Variants in SLCO3A1 observed in about 807,000 individuals in gnomAD.
SLCO3A1 encodes PGE1 transporter.
SLCO3A1 carries 27 observed loss-of-function variants against 63.1 expected under a neutral mutation model. The observed-to-expected ratio is 0.43, with a 90% CI of 0.32 to 0.59. The LOEUF is 0.59. Ranked by LOEUF, SLCO3A1 falls within the 20% of genes least tolerant of loss-of-function variation. SLCO3A1 has a pLI of 0.09. For synonymous variants in SLCO3A1, 473 were observed against 409.9 expected, an observed-to-expected ratio of 1.15 and a Z score of -1.86; for missense variants, 773 against 945.8, an observed-to-expected ratio of 0.82 and a Z score of 2.40.
chr15:91,970,081 T>C (rs1900803489), intron 2 of SLCO3A1, among the ~76,000 whole-genome samples: 1 of 152,118 alleles, frequency 6.6e-6, no homozygotes, highest in Non-Finnish European at 1.5e-5. Context: ...ACATTTTGGC[T>C]CTAGCAGAAA....
In SLCO3A1 at chr15:91,941,460, T is replaced by G; in HGVS notation, c.646+25002T>G. ...AGGTGGTGGCCTGGTTCCTTTGGCC[T>G]TAGGGAAGGACAAACTTCAACTCTG... On this transcript the variant is annotated intron_variant, in intron 2 of 9. Transcript: ENST00000318445. The surrounding 1 kb of genome is among the most constrained non-coding windows in gnomAD (Gnocchi z 4.4). 1 of 449,542 alleles carries G rather than the reference T, an allele frequency of 2.2e-6. No homozygotes were observed. The highest frequency in any genetic ancestry group is 2.4e-5 in the Admixed American group (1 of 41,308). 27.8% of individuals were successfully genotyped at this position (449,542 alleles called of 1,614,324 possible). A position where few individuals can be genotyped will look rare whatever the true frequency, so the allele number is the denominator to read the frequency against.
chr15:91,915,406 C>G (rs1898620709), intron 1 of SLCO3A1, among the ~76,000 whole-genome samples: 1 of 152,184 alleles, frequency 6.6e-6, no homozygotes, highest in Non-Finnish European at 1.5e-5. Context: ...CTGATGGCCT[C>G]TGGGGAAATG....
At chr15:92,126,423 C>A (rs957950803) in intron 6 of SLCO3A1, among the ~76,000 whole-genome samples, 164 bp downstream of exon 6, 1 of 152,106 alleles carries the variant, frequency 6.6e-6, no homozygotes, top group Non-Finnish European at 1.5e-5. Flanking sequence ...GTAGAACCCT[C>A]TGGGCTGAGA....
At chr15:92,086,450 C>T (rs2047405549) in intron 2 of SLCO3A1, among the ~76,000 whole-genome samples, 1 of 152,086 alleles carries the variant, frequency 6.6e-6, no homozygotes, top group Non-Finnish European at 1.5e-5. Flanking sequence ...CGATTTTTCT[C>T]CTGGTTTTTT....
intron 2 of SLCO3A1, among the ~76,000 whole-genome samples, chr15:91,943,974 T>A (rs1412621818): frequency 6.6e-6 from 1 of 152,236 alleles, no homozygotes; most frequent in African/African-American, 2.4e-5. Flanking sequence ...CCTTCACTTC[T>A]GTCAATAGAC....
chr15:91,960,506 C>T (rs544650945), intron 2 of SLCO3A1, among the ~76,000 whole-genome samples: 278 of 152,256 alleles, frequency 1.8e-3, no homozygotes, highest in Admixed American at 3.7e-3. Context: ...AAGCCAGTTC[C>T]GGGATGCCTT....
chr15:91,904,890 G>A (rs1030690324), intron 1 of SLCO3A1, among the ~76,000 whole-genome samples: 3 of 152,146 alleles, frequency 2.0e-5, no homozygotes, highest in African/African-American at 7.2e-5. Context: ...TGGTTATCTT[G>A]ATAGTTACAA....
At chr15:92,016,884 A>G (rs1468595266) in intron 2 of SLCO3A1, among the ~76,000 whole-genome samples, 1 of 152,218 alleles carries the variant, frequency 6.6e-6, no homozygotes, top group Admixed American at 6.5e-5. Context: ...AAAGTGAGTT[A>G]TGTGGGATTA....
chr15:92,109,848 G>A (rs1001408356), intron 4 of SLCO3A1, among the ~76,000 whole-genome samples: 5 of 152,132 alleles, frequency 3.3e-5, no homozygotes, highest in African/African-American at 1.2e-4. Flanking sequence ...CAGGGATCAG[G>A]ACACCAAGGC....
At chr15:91,870,817 T>C (rs890003037) in intron 1 of SLCO3A1, among the ~76,000 whole-genome samples, 6 of 151,174 alleles carry the variant, frequency 4.0e-5, no homozygotes, top group African/African-American at 1.5e-4. Context: ...CTGTTTCATA[T>C]CTTTATTTTC....
chr15:91,924,869 G>A (rs527845156), intron 2 of SLCO3A1, among the ~76,000 whole-genome samples: 1 of 152,394 alleles, frequency 6.6e-6, no homozygotes, highest in African/African-American at 2.4e-5. Context: ...TTTGTGGCTG[G>A]TTGGGGCCTA....
At chr15:91,887,413 A>G (rs1897753231) in intron 1 of SLCO3A1, among the ~76,000 whole-genome samples, 1 of 150,300 alleles carries the variant, frequency 6.7e-6, no homozygotes, top group African/African-American at 2.5e-5. Flanking sequence ...GCCTGCCTGC[A>G]TGAGACATTG....
At position 92,163,546 on chromosome 15, in the gene SLCO3A1, TAAAAA is replaced by T. The variant is rs1385219276; in HGVS notation, c.*415_*419del. 3.7e-5 allele frequency: 33 copies of T among 889,176 alleles called. No homozygotes were observed. Among genetic ancestry groups the T allele is most frequent in the Non-Finnish European group, 4.1e-5 (32 of 786,640 alleles). The allele number at this position is 889,176 out of a possible 1,614,324, so 55.1% of individuals were successfully genotyped here. The stretch of plus-strand genomic sequence containing the variant: ...ATTTTTTAAAAGAAGTTTCCTAAAA[TAAAAA>T]AAATTAAAAAAAAAAAACCCACAAG... On this transcript the variant is annotated 3_prime_UTR_variant, in exon 10 of 10. Coordinates refer to ENST00000318445, the MANE Select transcript of SLCO3A1 (RefSeq NM_013272.4).
Position 92,165,272 on chromosome 15 carries a change from A to G in SLCO3A1, c.*2137A>G, listed in dbSNP as rs1451452934. On this transcript the variant is annotated 3_prime_UTR_variant, in exon 10 of 10. Transcript: ENST00000318445. ...TGTCCTTGCTTATGAAAATGGGGAC[A>G]CTCATCAGTACGTTAACTACTAAAG... The G allele has an allele frequency of 1.0e-6, 1 of 985,232 alleles. No homozygotes were observed. Among genetic ancestry groups the G allele is most frequent in the African/African-American group, 1.7e-5 (1 of 57,204 alleles). The allele number at this position is 985,232 out of a possible 1,614,324, so 61.0% of individuals were successfully genotyped here.
intron 2 of SLCO3A1, among the ~76,000 whole-genome samples, chr15:92,039,874 C>T (rs1197155769): frequency 6.6e-6 from 1 of 151,326 alleles, no homozygotes; most frequent in African/African-American, 2.5e-5. Flanking sequence ...CAGTGGAATA[C>T]CATACAGCCA....
At position 91,863,417 on chromosome 15, in the gene SLCO3A1, A is replaced by G. The variant is rs1897093907; in HGVS notation, c.180+9329A>G. On this transcript the variant is annotated intron_variant, in intron 1 of 9. Coordinates refer to ENST00000318445, the MANE Select transcript of SLCO3A1 (RefSeq NM_013272.4). The surrounding 1 kb of genome is among the most constrained non-coding windows in gnomAD (Gnocchi z 4.3). ...GAGGTTGCTCGTGCAGTGTAGTGGG[A>G]TGGCCGTGAGTACAACCACTGCCGG... Among the ~76,000 whole-genome samples the G allele has an allele frequency of 6.6e-6, 1 of 152,220 alleles. No individual in the cohort carries two copies. The highest frequency in any genetic ancestry group is 6.5e-5 in the Admixed American group (1 of 15,284).
At chr15:92,013,371 A>G (rs568985342) in intron 2 of SLCO3A1, among the ~76,000 whole-genome samples, 1 of 152,362 alleles carries the variant, frequency 6.6e-6, no homozygotes, top group South Asian at 2.1e-4. Flanking sequence ...ATGTTCCTGC[A>G]GTACGTGGCC....
chr15:92,067,876 T>C (rs183121818), intron 2 of SLCO3A1, among the ~76,000 whole-genome samples: 88 of 152,318 alleles, frequency 5.8e-4, no homozygotes, highest in Middle Eastern at 3.4e-3. Context: ...GCAGATTCAG[T>C]GTCTCGTGAG....
At chr15:92,138,881 A>G (rs1410819127) in intron 7 of SLCO3A1, among the ~76,000 whole-genome samples, 1 of 96,430 alleles carries the variant, frequency 1.0e-5, no homozygotes, top group Admixed American at 1.1e-4. Context: ...TTGGGCTGAG[A>G]CAATGGGGTT....
Sources: allele counts gnomAD v4.1 joint callset (sites outside exome capture counted in the v4.1 genomes callset), GRCh38; gene constraint gnomAD v4.1.1; non-coding constraint Gnocchi (gnomAD v3.1); transcripts MANE v1.5; gene names NCBI Gene and HGNC (gene_info 2026-07-23, HGNC 2026-07-21).